The following MEGF9 variants were observed in gnomAD, a reference collection of about 807,000 sequenced individuals.
The protein encoded by MEGF9 is multiple epidermal growth factor-like domains protein 9.
MEGF9 carries 6 observed loss-of-function variants against 46.8 expected under a neutral mutation model. That is an observed-to-expected ratio of 0.13 (90% CI 0.07 to 0.25). The LOEUF is 0.25. MEGF9 is among the 10% of genes least tolerant of loss of function. The probability of loss-of-function intolerance (pLI) is 1.00; values close to 1 mark genes in which losing one functional copy is unlikely to be tolerated. For synonymous variants in MEGF9, 302 were observed against 330.7 expected (o/e 0.91, Z 0.94); for missense variants, 683 against 792.4 (o/e 0.86, Z 1.66).
At chr9:120,701,547 A>T (rs2043905006) in intron 1 of MEGF9, among the ~76,000 whole-genome samples, 2 of 152,204 alleles carry the variant, frequency 1.3e-5, no homozygotes, top group African/African-American at 4.8e-5. Context: ...TATTACCAGT[A>T]TAACAGCAAT....
At chr9:120,676,846 C>T (rs1249239631) in intron 1 of MEGF9, among the ~76,000 whole-genome samples, 1 of 152,162 alleles carries the variant, frequency 6.6e-6, no homozygotes, top group Non-Finnish European at 1.5e-5. Flanking sequence ...CTTAGCTTTA[C>T]AACAACCTTG....
chr9:120,603,309 C>T lies in MEGF9; in HGVS notation c.*1881G>A, dbSNP rs2043405778. On this transcript the variant is annotated 3_prime_UTR_variant, in exon 6 of 6. Transcript: ENST00000373930. ...CACATATGGAAAAGTGCTTTGCAAA[C>T]TACAAAGGGCTATAGAAAAACTAAA... is the stretch of plus-strand genomic sequence containing the variant. 1 of 152,164 alleles carries T rather than the reference C, an allele frequency of 6.6e-6. No individual in the cohort carries two copies. The highest frequency in any genetic ancestry group is 2.1e-4 in the South Asian group (1 of 4,836). The allele number at this position is 152,164 out of a possible 1,614,324, so 9.4% of individuals were successfully genotyped here. A position where few individuals can be genotyped will look rare whatever the true frequency, so the allele number is the denominator to read the frequency against.
At chr9:120,686,631 A>T (rs766973459) in intron 1 of MEGF9, among the ~76,000 whole-genome samples, 3 of 152,226 alleles carry the variant, frequency 2.0e-5, no homozygotes, top group Non-Finnish European at 4.4e-5. Flanking sequence ...GAAGTTAGAG[A>T]TCTGATTATC....
Position 120,714,056 on chromosome 9 carries a change from C to T in MEGF9, c.303G>A (p.Glu101=). The T allele has an allele frequency of 7.7e-7, 1 of 1,298,378 alleles. No individual in the cohort carries two copies. Among genetic ancestry groups the T allele is most frequent in the Non-Finnish European group, 9.8e-7 (1 of 1,020,980 alleles). 80.4% of individuals were successfully genotyped at this position (1,298,378 alleles called of 1,614,324 possible). A position where few individuals can be genotyped will look rare whatever the true frequency, so the allele number is the denominator to read the frequency against. The change falls in exon 1 of 6, where the codon GAG becomes GAA. Residue 101 remains glutamate, a synonymous_variant. Transcript: ENST00000373930. ...LAATSPAQSP[E]TTPLWATAGP... ...CAGCAGTCGCCCAAAGAGGGGTGGTCTCCGGGGACTGGGCTGGAGAAGTCG... is the reference window on the plus strand; with the variant it reads ...CAGCAGTCGCCCAAAGAGGGGTGGTTTCCGGGGACTGGGCTGGAGAAGTCG...
intron 2 of MEGF9, among the ~76,000 whole-genome samples, chr9:120,636,078 C>A (rs189809312): frequency 6.6e-5 from 10 of 152,072 alleles, no homozygotes; most frequent in Non-Finnish European, 1.5e-4. Flanking sequence ...GGAATTAACA[C>A]GTGTATGTCA....
intron 3 of MEGF9, among the ~76,000 whole-genome samples, chr9:120,618,065 C>T (rs117742198): frequency 0.02 from 3,081 of 152,112 alleles, 42 homozygotes; most frequent in Non-Finnish European, 0.031. Flanking sequence ...TGGAGATCAA[C>T]GGAGAAATGC....
intron 4 of MEGF9, among the ~76,000 whole-genome samples, chr9:120,611,606 C>CT (rs2132298679): frequency 1.3e-5 from 2 of 152,002 alleles, no homozygotes; most frequent in African/African-American, 4.8e-5. Flanking sequence ...GGAGTAATTG[C>CT]TAATGATTAT....
intron 1 of MEGF9, among the ~76,000 whole-genome samples, chr9:120,678,931 T>C (rs2043785610): frequency 6.6e-6 from 1 of 152,140 alleles, no homozygotes; most frequent in African/African-American, 2.4e-5. Context: ...TGAGATACCA[T>C]CTCACACCAG....
At chr9:120,688,130 AACAC>A (rs34218836) in intron 1 of MEGF9, among the ~76,000 whole-genome samples, 15,307 of 142,214 alleles carry the variant, frequency 0.11, 1,087 homozygotes, top group African/African-American at 0.21. Context: ...TCCTCTCCGC[AACAC>A]ACACACACAC....
At chr9:120,676,287 A>G (rs1249567487) in intron 1 of MEGF9, among the ~76,000 whole-genome samples, 4 of 152,130 alleles carry the variant, frequency 2.6e-5, no homozygotes, top group Non-Finnish European at 1.5e-5. Flanking sequence ...CAATTTTCCC[A>G]TCTATGAGCA....
At chr9:120,665,352 C>T (rs576108899) in intron 1 of MEGF9, among the ~76,000 whole-genome samples, 13 of 152,084 alleles carry the variant, frequency 8.5e-5, no homozygotes, top group African/African-American at 3.1e-4. Flanking sequence ...ATTACAGGGG[C>T]ACACCACCAC....
At chr9:120,681,059 A>C (rs2043796848) in intron 1 of MEGF9, among the ~76,000 whole-genome samples, 1 of 152,112 alleles carries the variant, frequency 6.6e-6, no homozygotes, top group African/African-American at 2.4e-5. Context: ...TAAGGTGCCA[A>C]AGTCCCCTTT....
chr9:120,624,577 G>T (rs1173297070), intron 2 of MEGF9, among the ~76,000 whole-genome samples: 1 of 152,092 alleles, frequency 6.6e-6, no homozygotes, highest in Non-Finnish European at 1.5e-5. Context: ...TCTTTTAAAA[G>T]AAAATATAGG....
intron 2 of MEGF9, among the ~76,000 whole-genome samples, chr9:120,634,451 T>TACATAACTTTACTTTCAG (rs1564416859): frequency 1.5e-5 from 1 of 67,616 alleles, no homozygotes; most frequent in African/African-American, 5.2e-5. Flanking sequence ...AATATCTTTT[T>TACATAACTTTACTTTCAG]TTTTTTTTTT....
chr9:120,633,209 T>C (rs2043558317), intron 2 of MEGF9, among the ~76,000 whole-genome samples: 1 of 152,194 alleles, frequency 6.6e-6, no homozygotes, highest in Admixed American at 6.5e-5. Flanking sequence ...TGGCTATGAA[T>C]GCAACCAGTG....
intron 2 of MEGF9, among the ~76,000 whole-genome samples, chr9:120,650,678 G>C (rs771660715): frequency 6.6e-6 from 1 of 152,156 alleles, no homozygotes; most frequent in Non-Finnish European, 1.5e-5. Context: ...AATATATGAG[G>C]GAATCAGGAT....
chr9:120,703,372 T>C (rs770607007), intron 1 of MEGF9, among the ~76,000 whole-genome samples: 1 of 152,226 alleles, frequency 6.6e-6, no homozygotes, highest in Non-Finnish European at 1.5e-5. Flanking sequence ...CCTGCCCTCA[T>C]GGAGTCTGTA....
chr9:120,713,127 C>T (rs752994283), intron 1 of MEGF9, among the ~76,000 whole-genome samples: 24 of 152,182 alleles, frequency 1.6e-4, no homozygotes, highest in Non-Finnish European at 3.2e-4. Context: ...ATGTGCTCAG[C>T]CTAGATACAC....
chr9:120,689,184 A>T (rs999929658), intron 1 of MEGF9, among the ~76,000 whole-genome samples: 3 of 152,234 alleles, frequency 2.0e-5, no homozygotes, highest in African/African-American at 7.2e-5. Flanking sequence ...CCTAATTCAG[A>T]CTTTCTAGAG....
Sources: allele counts gnomAD v4.1 joint callset (sites outside exome capture counted in the v4.1 genomes callset), GRCh38; gene constraint gnomAD v4.1.1; transcripts MANE v1.5; gene names NCBI Gene and HGNC (gene_info 2026-07-23, HGNC 2026-07-21).